The following BCL6 variants were observed in gnomAD, a reference collection of about 807,000 sequenced individuals.
BCL6 encodes B-cell lymphoma 6 protein.
A neutral mutation model predicts 59.5 loss-of-function variants in BCL6; 7 were observed. The observed-to-expected ratio is 0.12, with a 90% CI of 0.07 to 0.22. The LOEUF is 0.22. Ranked by LOEUF, BCL6 falls within the 10% of genes least tolerant of loss-of-function variation. The probability of loss-of-function intolerance (pLI) is 1.00; values close to 1 mark genes in which losing one functional copy is unlikely to be tolerated. For missense variants in BCL6, 685 were observed against 939.4 expected (o/e 0.73, Z 3.54); for synonymous variants, 339 against 349.7 (o/e 0.97, Z 0.34).
Position 187,722,331 on chromosome 3 carries a change from C to CCCCAAT in BCL6, c.*126_*127insATTGGG. ...CCCGACCCCCACCACCCCCAACCCC[C>CCCCAAT]AGCTATGATTTGCACTAGTGGATGA... On this transcript the variant is annotated 3_prime_UTR_variant, in exon 10 of 10. Transcript: ENST00000406870. 1.2e-6 allele frequency: 1 copy of CCCCAAT among 864,906 alleles called. No homozygotes were observed. Among genetic ancestry groups the CCCCAAT allele is most frequent in the Non-Finnish European group, 1.5e-6 (1 of 658,094 alleles). 53.6% of individuals were successfully genotyped at this position (864,906 alleles called of 1,614,324 possible).
Position 187,729,147 on chromosome 3 carries a change from G to A in BCL6, c.1258C>T (p.Pro420Ser), listed in dbSNP as rs1299252015. Residue 420 changes from proline to serine, a missense_variant, in exon 5 of 10, where the codon CCT becomes TCT. By Grantham distance (74) the Pro-to-Ser change is moderately conservative (BLOSUM62 -1). Around this residue, in one of 7 missense-constraint regions of BCL6, gnomAD observed 207 missense variants for 213.7 expected, o/e 0.97. Transcript: ENST00000406870. This position sits in a 1 kb window ranked among gnomAD's most constrained non-coding sequence, Gnocchi z 5.6. The stretch of plus-strand genomic sequence containing the variant: ...GGGGACTGGAGGTCAAGGTTCTCAG[G>A]CTCCATGGGTGGCTGGCAGGCAGGT... ...APPACQPPME[P>S]ENLDLQSPTK... 1.2e-6 allele frequency: 2 copies of A among 1,603,058 alleles called. No individual in the cohort carries two copies. The highest frequency in any genetic ancestry group is 1.3e-5 in the African/African-American group (1 of 74,714).
At chr3:187,737,387 G>GAGAA (rs1719339116) in intron 1 of BCL6, 2 of 146,362 alleles carry the variant, frequency 1.4e-5, no homozygotes, top group African/African-American at 5.0e-5. Flanking sequence ...GAGAGAGAGA[G>GAGAA]AGAGAGAGAA....
chr3:187,743,977 C>T (rs1711736679), intron 1 of BCL6, among the ~76,000 whole-genome samples: 1 of 152,168 alleles, frequency 6.6e-6, no homozygotes, highest in African/African-American at 2.4e-5. Flanking sequence ...AAGTGCCCTT[C>T]TCTCCTCCTG....
intron 1 of BCL6, among the ~76,000 whole-genome samples, chr3:187,744,326 C>G (rs1576884732): frequency 6.6e-6 from 1 of 151,932 alleles, no homozygotes; most frequent in Non-Finnish European, 1.5e-5. Context: ...CCCTTTCCCA[C>G]CCACCCCAAG....
intron 1 of BCL6, among the ~76,000 whole-genome samples, chr3:187,744,887 A>T (rs540407128): frequency 2.6e-5 from 4 of 152,256 alleles, no homozygotes; most frequent in African/African-American, 7.2e-5. Context: ...CACAAGCCGT[A>T]CGCAAGCAGC....
intron 1 of BCL6, among the ~76,000 whole-genome samples, chr3:187,735,367 A>G (rs745698933): frequency 3.9e-5 from 6 of 152,220 alleles, no homozygotes; most frequent in Non-Finnish European, 8.8e-5. Flanking sequence ...CGCAAGGACG[A>G]TAGGGCCAAT....
intron 1 of BCL6, among the ~76,000 whole-genome samples, chr3:187,738,208 T>G (rs867536952): frequency 1.3e-5 from 2 of 152,184 alleles, no homozygotes; most frequent in Non-Finnish European, 2.9e-5. Context: ...AGTTGTCCGA[T>G]TCCGAAGTTT....
intron 4 of BCL6, 93 bp downstream of exon 4, chr3:187,731,616 G>A: frequency 1.7e-6 from 2 of 1,208,212 alleles, no homozygotes; most frequent in South Asian, 1.3e-5. Context: ...ATATCATAGA[G>A]GAGTATTTTT....
At position 187,729,937 on chromosome 3, in the gene BCL6, G is replaced by C. The variant is rs761661978; in HGVS notation, c.468C>G (p.Ala156=). The C allele has an allele frequency of 5.0e-6, 8 of 1,613,702 alleles. No individual in the cohort carries two copies. In the Admixed American group the frequency reaches 1.3e-4, roughly 27 times the overall value. ...TCTCCACCACCTCACGACCCCGATA[G>C]GCCATGATGTCTTGGGGCATCAGCA... The part of the protein sequence containing the change: ...SRMLMPQDIM[A]YRGREVVENN... The change falls in exon 5 of 10, where the codon GCC becomes GCG. Residue 156 remains alanine (A), a synonymous_variant. Transcript: ENST00000406870. The surrounding 1 kb of genome is among the most constrained non-coding windows in gnomAD (Gnocchi z 5.6).
At chr3:187,735,071 C>T (rs1439001671) in intron 1 of BCL6, 164 bp from the exon 2 acceptor site, 1 of 152,306 alleles carries the variant, frequency 6.6e-6, no homozygotes, top group East Asian at 1.9e-4. Flanking sequence ...CAGCTCTGCT[C>T]TTACGGAAAC....
chr3:187,729,339 G>T lies in BCL6; in HGVS notation c.1066C>A (p.Leu356Ile). Residue 356 changes from leucine to isoleucine, a missense_variant, in exon 5 of 10, where the codon CTC (leucine) becomes ATC (isoleucine). Leu to Ile is a conservative substitution (Grantham distance 5). Around this residue, in one of 7 missense-constraint regions of BCL6, gnomAD observed 28 missense variants for 66.4 expected, o/e 0.42. Transcript: ENST00000406870. This position sits in a 1 kb window ranked among gnomAD's most constrained non-coding sequence, Gnocchi z 5.6. Reference protein sequence around the residue: ...ESCSSKNACILQASGSPPAKS... With the variant: ...ESCSSKNACIIQASGSPPAKS... ...GCTGGAGGGGAGCCAGAAGCCTGGA[G>T]GATGCAGGCATTCTTACTGCTGCAG... is the stretch of plus-strand genomic sequence containing the variant. 6.2e-7 allele frequency: 1 copy of T among 1,614,064 alleles called. No homozygotes were observed. Among genetic ancestry groups the T allele is most frequent in the Non-Finnish European group, 8.5e-7 (1 of 1,180,026 alleles).
chr3:187,731,744 A>G lies in BCL6; in HGVS notation c.348T>C (p.His116=), dbSNP rs1443863245. Reference sequence around the variant, plus strand: ...TAAACTTCCGGCAAGTGTCCACAACATGCTCCATCTGCAGGTACATAGCCG... The same window carrying G: ...TAAACTTCCGGCAAGTGTCCACAACGTGCTCCATCTGCAGGTACATAGCCG... The part of the protein sequence containing the change: ...MATAMYLQME[H]VVDTCRKFIK... Residue 116 remains histidine, a synonymous_variant, in exon 4 of 10, where the codon CAT becomes CAC. Coordinates refer to ENST00000406870, the MANE Select transcript of BCL6 (RefSeq NM_001706.5). 7 of 1,614,216 alleles carry G rather than the reference A, an allele frequency of 4.3e-6. No homozygotes were observed. Among genetic ancestry groups the G allele is most frequent in the Non-Finnish European group, 5.9e-6 (7 of 1,180,038 alleles).
intron 6 of BCL6, among the ~76,000 whole-genome samples, chr3:187,727,699 A>AT (rs143116683): frequency 0.014 from 2,169 of 152,232 alleles, 63 homozygotes; most frequent in African/African-American, 0.05. Context: ...CAGCTGATTT[A>AT]TTTTTTCATT....
intron 1 of BCL6, among the ~76,000 whole-genome samples, chr3:187,741,751 T>C (rs1477985024): frequency 1.3e-5 from 2 of 152,136 alleles, no homozygotes; most frequent in African/African-American, 2.4e-5. Context: ...CTCCACGCCA[T>C]CCACAAACCT....
chr3:187,737,264 C>T (rs1477802074), intron 1 of BCL6: 1 of 145,042 alleles, frequency 6.9e-6, no homozygotes, highest in Non-Finnish European at 1.5e-5. Context: ...AAGACAGATC[C>T]TTTAAAAGAG....
chr3:187,732,102 C>A (rs1347863607), intron 3 of BCL6, among the ~76,000 whole-genome samples, 172 bp from the exon 4 acceptor site: 1 of 152,162 alleles, frequency 6.6e-6, no homozygotes, highest in Non-Finnish European at 1.5e-5. Context: ...TCATTAAGCA[C>A]CTTACATACA....
At chr3:187,727,016 A>T in intron 6 of BCL6, 118 bp from the exon 7 acceptor site, 1 of 1,144,358 alleles carries the variant, frequency 8.7e-7, no homozygotes, top group African/African-American at 1.5e-5. Flanking sequence ...TCCCTCACTC[A>T]CCCACCCGAC....
At chr3:187,741,989 A>T (rs1188346620) in intron 1 of BCL6, among the ~76,000 whole-genome samples, 3 of 152,090 alleles carry the variant, frequency 2.0e-5, no homozygotes, top group Non-Finnish European at 4.4e-5. Flanking sequence ...CAAAAAAAAA[A>T]ACCTTAGAAC....
Position 187,729,408 on chromosome 3 carries a change from T to C in BCL6, c.997A>G (p.Ser333Gly). The C allele has an allele frequency of 6.2e-7, 1 of 1,612,798 alleles. No homozygotes were observed. The highest frequency in any genetic ancestry group is 8.5e-7 in the Non-Finnish European group (1 of 1,179,460). The change falls in exon 5 of 10, where the codon AGC becomes GGC. Residue 333 changes from serine (S) to glycine (G), a missense_variant. Around this residue, in one of 7 missense-constraint regions of BCL6, gnomAD observed 28 missense variants for 66.4 expected, o/e 0.42. Coordinates refer to ENST00000406870, the MANE Select transcript of BCL6 (RefSeq NM_001706.5). This position sits in a 1 kb window ranked among gnomAD's most constrained non-coding sequence, Gnocchi z 5.6. Reference sequence around the variant, plus strand: ...GGCTGGCAGTCAGATTTCTGGGGGCTCTGTGGACTAACCAGACCCTTCCGG... The same window carrying C: ...GGCTGGCAGTCAGATTTCTGGGGGCCCTGTGGACTAACCAGACCCTTCCGG... ...LNRKGLVSPQSPQKSDCQPNS... is the reference protein window; with the variant it reads ...LNRKGLVSPQGPQKSDCQPNS...
Sources: gnomAD v4.1 joint callset for allele counts (sites outside exome capture counted in the v4.1 genomes callset) on GRCh38, gnomAD v4.1.1 for gene constraint, gnomAD v4.1.1 regional missense constraint, Gnocchi (gnomAD v3.1) non-coding constraint, MANE v1.5 for transcripts, NCBI Gene and HGNC (gene_info 2026-07-23, HGNC 2026-07-21) for gene names.